The following GPC5 variants were observed in gnomAD, a reference collection of about 807,000 sequenced individuals.
GPC5 encodes the protein glypican 5, also known as glypican-5.
In GPC5, 47 loss-of-function variants were observed where a neutral mutation model predicts 53.9. The observed-to-expected ratio is 0.87, with a 90% CI of 0.69 to 1.11. The LOEUF (loss-of-function observed/expected upper bound fraction) is 1.11, where lower values mean the gene tolerates loss of function less well. GPC5 is among the 50% of genes most tolerant of loss of function. GPC5 has a pLI of 0.00. For missense variants in GPC5, 748 were observed against 713.1 expected (o/e 1.05, Z -0.56); for synonymous variants, 286 against 263.3 (o/e 1.09, Z -0.84).
In GPC5 at chr13:92,245,037, GAA is replaced by G. The variant is rs35163960; in HGVS notation, c.1561+100064_1561+100065del. Among the ~76,000 whole-genome samples, 231 of 131,090 alleles carry G rather than the reference GAA, an allele frequency of 1.8e-3. 1 individual carries two copies. Among genetic ancestry groups the G allele is most frequent in the African/African-American group, 5.9e-3 (204 of 34,560 alleles). The allele number at this position is 131,090 out of a possible 152,430, so 86.0% of individuals were successfully genotyped here. On this transcript the variant is annotated intron_variant, in intron 7 of 7. Coordinates refer to ENST00000377067, the MANE Select transcript of GPC5 (RefSeq NM_004466.6). ...CTGGTGACAAAGCGAGACTCCATCT[GAA>G]AAAAAAAAAAAAAAACTTGCACATT...
chr13:91,697,229 A>G (rs1203729095), intron 3 of GPC5, among the ~76,000 whole-genome samples: 1 of 151,794 alleles, frequency 6.6e-6, no homozygotes, highest in Admixed American at 6.6e-5. Context: ...TGCAACCTCT[A>G]CCTCCCGGGT....
intron 2 of GPC5, among the ~76,000 whole-genome samples, chr13:91,516,007 G>A (rs1052363760): frequency 2.0e-5 from 3 of 152,120 alleles, no homozygotes; most frequent in Middle Eastern, 3.2e-3. Context: ...CAGGAGAATA[G>A]CACAGGAAAG....
chr13:91,475,839 T>G (rs1323994038), intron 2 of GPC5, among the ~76,000 whole-genome samples: 2 of 152,138 alleles, frequency 1.3e-5, no homozygotes, highest in Non-Finnish European at 2.9e-5. Flanking sequence ...CAAAGCACAT[T>G]GGTGGAGAGG....
At chr13:92,047,256 C>A (rs1318450955) in intron 6 of GPC5, among the ~76,000 whole-genome samples, 1 of 151,904 alleles carries the variant, frequency 6.6e-6, no homozygotes, top group Non-Finnish European at 1.5e-5. Context: ...AAATAGATTG[C>A]AAAAACAACA....
intron 2 of GPC5, among the ~76,000 whole-genome samples, chr13:91,610,854 T>G (rs1326143456): frequency 6.6e-6 from 1 of 152,098 alleles, no homozygotes; most frequent in Non-Finnish European, 1.5e-5. Context: ...CAGTAGAGAG[T>G]TTTACATTTG....
Position 92,147,348 on chromosome 13 carries a change from T to C in GPC5, c.1561+2359T>C, listed in dbSNP as rs1014331342. ...CATGGCCATCTAAATATTAGTATTT[T>C]AGAACATAAAGTTATTACAAAGTAA... On this transcript the variant is annotated intron_variant, in intron 7 of 7. Transcript: ENST00000377067. Among the ~76,000 whole-genome samples, 6 of 152,030 alleles carry C rather than the reference T, an allele frequency of 3.9e-5. 1 individual carries two copies. Among genetic ancestry groups the C allele is most frequent in the Non-Finnish European group, 7.4e-5 (5 of 67,942 alleles).
At position 91,414,596 on chromosome 13, in the gene GPC5, G is replaced by A. The variant is rs191858126; in HGVS notation, c.163+15387G>A. 4.9e-4 allele frequency among the ~76,000 whole-genome samples: 74 copies of A among 152,314 alleles called. No homozygotes were observed. The East Asian group carries it at 7.7e-3, about 16-fold the overall frequency. ...CTCAAGGGACAATGAAGACAAAGGA[G>A]GGGGAGGGATGCAGATGGGCTAAAG... On this transcript the variant is annotated intron_variant, in intron 1 of 7. Transcript: ENST00000377067.
chr13:92,172,438 C>T (rs1441193369), intron 7 of GPC5, among the ~76,000 whole-genome samples: 1 of 152,106 alleles, frequency 6.6e-6, no homozygotes, highest in African/African-American at 2.4e-5. Context: ...TGAAACATAA[C>T]CTTTTATATT....
chr13:91,752,377 G>T (rs564329290), intron 4 of GPC5, among the ~76,000 whole-genome samples: 2 of 152,048 alleles, frequency 1.3e-5, no homozygotes, highest in Non-Finnish European at 2.9e-5. Context: ...GAGCCACCAC[G>T]CCTGGCCCCT....
intron 7 of GPC5, among the ~76,000 whole-genome samples, chr13:92,793,926 C>G (rs937346055): frequency 6.6e-6 from 1 of 151,998 alleles, no homozygotes; most frequent in Non-Finnish European, 1.5e-5. Flanking sequence ...CAGGACCAGA[C>G]GGATTCACAG....
intron 7 of GPC5, among the ~76,000 whole-genome samples, chr13:92,498,240 G>T: frequency 6.6e-6 from 1 of 151,998 alleles, no homozygotes; most frequent in East Asian, 1.9e-4. Flanking sequence ...CTGGGGTCTT[G>T]TGTTATTTCT....
At chr13:91,993,755 A>T (rs972781714) in intron 6 of GPC5, among the ~76,000 whole-genome samples, 5 of 151,518 alleles carry the variant, frequency 3.3e-5, no homozygotes, top group Non-Finnish European at 4.4e-5. Flanking sequence ...AAAATATCTC[A>T]TATGTCTAGT....
At chr13:91,863,453 G>A (rs761341677) in intron 5 of GPC5, among the ~76,000 whole-genome samples, 8 of 152,062 alleles carry the variant, frequency 5.3e-5, no homozygotes, top group Non-Finnish European at 1.2e-4. Flanking sequence ...TTAGCACATA[G>A]TACCTAGTGC....
rs1555304724 is a variant in GPC5, at chr13:92,704,864, G to GTATATATATATACTCAATGTGTGTA, written c.1562-161410_1562-161386dup. ...ACTCTTAGTGTGTAAATATATGAGT[G>GTATATATATATACTCAATGTGTGTA]TATATATATATACTCAATGTGTGTA... On this transcript the variant is annotated intron_variant, in intron 7 of 7. Coordinates refer to ENST00000377067, the MANE Select transcript of GPC5 (RefSeq NM_004466.6). Among the ~76,000 whole-genome samples, 749 of 149,496 alleles carry GTATATATATATACTCAATGTGTGTA rather than the reference G, an allele frequency of 5.0e-3. 6 individuals carry two copies. The highest frequency in any genetic ancestry group is 0.017 in the African/African-American group (694 of 40,132).
chr13:92,591,929 C>A (rs1474378356), intron 7 of GPC5, among the ~76,000 whole-genome samples: 2 of 152,120 alleles, frequency 1.3e-5, no homozygotes, highest in Non-Finnish European at 1.5e-5. Flanking sequence ...AGCCCTTCAC[C>A]CAAGCCATTG....
chr13:91,680,741 G>A (rs887720211), intron 2 of GPC5, among the ~76,000 whole-genome samples: 1 of 152,124 alleles, frequency 6.6e-6, no homozygotes, highest in East Asian at 1.9e-4. Flanking sequence ...TGTGAGGCTC[G>A]ATTTTCTTCA....
intron 7 of GPC5, among the ~76,000 whole-genome samples, chr13:92,595,692 C>T (rs908646755): frequency 3.6e-5 from 5 of 138,416 alleles, no homozygotes; most frequent in African/African-American, 5.4e-5. Context: ...GGCGTGAACC[C>T]GGGAGGCGGA....
At chr13:92,152,066 A>C (rs1298448881) in intron 7 of GPC5, among the ~76,000 whole-genome samples, 1 of 152,214 alleles carries the variant, frequency 6.6e-6, no homozygotes, top group East Asian at 1.9e-4. Context: ...ACAGAGGAAC[A>C]GAATTATTTA....
intron 7 of GPC5, among the ~76,000 whole-genome samples, chr13:92,630,708 C>G (rs976729694): frequency 6.6e-6 from 1 of 152,036 alleles, no homozygotes; most frequent in South Asian, 2.1e-4. Flanking sequence ...TTTTTTTAAA[C>G]CTGATTCCAT....
Sources: gnomAD v4.1 joint callset for allele counts (sites outside exome capture counted in the v4.1 genomes callset) on GRCh38, gnomAD v4.1.1 for gene constraint, MANE v1.5 for transcripts, NCBI Gene and HGNC (gene_info 2026-07-23, HGNC 2026-07-21) for gene names.